OSBP2: variants seen among roughly 807,000 people sequenced by gnomAD.
OSBP2 encodes oxysterol-binding protein 2.
Under a neutral mutation model 96.0 loss-of-function variants are expected in OSBP2, and 66 were observed. The ratio of observed to expected loss-of-function variants is 0.69; its 90% CI spans 0.56 to 0.84. OSBP2 has a LOEUF of 0.84. Among genes scored for constraint, OSBP2 ranks in the 40% least tolerant of loss-of-function variants. OSBP2 has a pLI of 0.00. For missense variants in OSBP2, 1,038 were observed against 1,222.7 expected, an observed-to-expected ratio of 0.85 and a Z score of 2.25; for synonymous variants, 525 against 520.9, an observed-to-expected ratio of 1.01 and a Z score of -0.11.
upstream of OSBP2, chr22:30,694,310 C>T: frequency 6.5e-7 from 1 of 1,548,740 alleles, no homozygotes; most frequent in Non-Finnish European, 8.7e-7. Context: ...TTGGGGCCAC[C>T]GCTTCTGGCG....
chr22:30,758,675 C>G (rs958302695), intron 2 of OSBP2, among the ~76,000 whole-genome samples: 2 of 152,036 alleles, frequency 1.3e-5, no homozygotes, highest in Non-Finnish European at 1.5e-5. Context: ...CGATGAGAGG[C>G]CTGCAGGTAC....
At chr22:30,779,238 C>G (rs916077358) in intron 2 of OSBP2, among the ~76,000 whole-genome samples, 2 of 138,478 alleles carry the variant, frequency 1.4e-5, no homozygotes, top group African/African-American at 5.7e-5. Context: ...CCCACAACCA[C>G]ACCCAGCTAA....
At position 30,887,528 on chromosome 22, in the gene OSBP2, G is replaced by T; in HGVS notation, c.1210G>T (p.Glu404Ter). 1 of 1,613,678 alleles carries T rather than the reference G, an allele frequency of 6.2e-7. No homozygotes were observed. The highest frequency in any genetic ancestry group is 1.1e-5 in the South Asian group (1 of 91,060). Residue 404 changes from glutamate to a stop codon, truncating the protein, a stop_gained, in exon 4 of 14, where the codon GAG (glutamate) becomes TAG (stop). Transcript: ENST00000332585. LOFTEE classifies it high-confidence loss of function. ...EQRVHLEETI[E>*]QLAKQHNSLE... is the part of the protein sequence containing the mutation. ...GCGCGTGCACTTGGAGGAAACCATTGAGCAGCTGGCGAAGCAGCACAACAG... is the reference window on the plus strand; with the variant it reads ...GCGCGTGCACTTGGAGGAAACCATTTAGCAGCTGGCGAAGCAGCACAACAG...
intron 2 of OSBP2, chr22:30,764,418 G>C (rs2090245259): frequency 1.5e-5 from 15 of 984,308 alleles, no homozygotes; most frequent in Non-Finnish European, 1.8e-5. Flanking sequence ...ATTTCCTCCT[G>C]TTCCTGTTGG....
At chr22:30,854,460 G>A (rs1466951078) in intron 2 of OSBP2, among the ~76,000 whole-genome samples, 4 of 150,790 alleles carry the variant, frequency 2.7e-5, no homozygotes, top group African/African-American at 7.3e-5. Flanking sequence ...AGGCACGCAC[G>A]ACCATGCCCG....
At chr22:30,815,079 C>T (rs1247949830) in intron 2 of OSBP2, among the ~76,000 whole-genome samples, 1 of 152,084 alleles carries the variant, frequency 6.6e-6, no homozygotes, top group Non-Finnish European at 1.5e-5. Context: ...CCAAGGAGTT[C>T]GAGACCAGCC....
chr22:30,893,027 T>C, intron 8 of OSBP2, 95 bp from the exon 9 acceptor site: 2 of 1,509,156 alleles, frequency 1.3e-6, no homozygotes, highest in Non-Finnish European at 1.8e-6. Context: ...GAGCTGTGCC[T>C]GCTGAGGCAG....
chr22:30,701,945 G>T (rs1450049808), intron 1 of OSBP2, among the ~76,000 whole-genome samples: 1 of 152,138 alleles, frequency 6.6e-6, no homozygotes, highest in East Asian at 1.9e-4. Context: ...GTGACAAATG[G>T]ACTAGCAGCA....
chr22:30,848,004 G>A (rs2038905527), intron 2 of OSBP2, among the ~76,000 whole-genome samples: 1 of 152,052 alleles, frequency 6.6e-6, no homozygotes, highest in African/African-American at 2.4e-5. Context: ...CCTATGAAAA[G>A]TAAATAGAAT....
intron 8 of OSBP2, 80 bp downstream of exon 8, chr22:30,891,053 T>C: frequency 6.6e-7 from 1 of 1,515,200 alleles, no homozygotes; most frequent in Non-Finnish European, 8.9e-7. Flanking sequence ...AGGTGACAAA[T>C]GGGAGGCAGC....
Position 30,733,982 on chromosome 22 carries a change from A to AT in OSBP2, c.645-7169dup, listed in dbSNP as rs966766956. ...TAAAAGTGGCAGAAAATACATTATC[A>AT]TTTTTTTTTTGAGACGGAGTTTAGC... On this transcript the variant is annotated intron_variant, in intron 1 of 13. Coordinates refer to ENST00000332585, the MANE Select transcript of OSBP2 (RefSeq NM_030758.4). Among the ~76,000 whole-genome samples, 862 of 149,292 alleles carry AT rather than the reference A, an allele frequency of 5.8e-3. 7 individuals carry two copies. The highest frequency in any genetic ancestry group is 0.02 in the African/African-American group (798 of 40,822).
chr22:30,745,225 C>CA (rs953007383), intron 2 of OSBP2, among the ~76,000 whole-genome samples: 88 of 142,274 alleles, frequency 6.2e-4, no homozygotes, highest in South Asian at 2.3e-4. Context: ...GAAAAAAATA[C>CA]AAAAAAAAAA....
intron 2 of OSBP2, among the ~76,000 whole-genome samples, chr22:30,768,591 C>T (rs1214256629): frequency 6.6e-5 from 10 of 151,862 alleles, no homozygotes; most frequent in African/African-American, 2.2e-4. Flanking sequence ...GCAGGAGAAT[C>T]GCTTGAACCC....
chr22:30,733,530 T>G (rs2089810386), intron 1 of OSBP2, among the ~76,000 whole-genome samples: 1 of 152,134 alleles, frequency 6.6e-6, no homozygotes, highest in Admixed American at 6.5e-5. Context: ...CGGTGACCAC[T>G]CAGGAAACCA....
At chr22:30,813,798 G>A (rs1337979644) in intron 2 of OSBP2, among the ~76,000 whole-genome samples, 2 of 148,626 alleles carry the variant, frequency 1.3e-5, no homozygotes, top group Non-Finnish European at 2.9e-5. Flanking sequence ...TTTCCCAGAT[G>A]ACTTTTTTTC....
intron 2 of OSBP2, among the ~76,000 whole-genome samples, chr22:30,861,364 G>A (rs182508271): frequency 2.2e-4 from 34 of 152,256 alleles, no homozygotes; most frequent in Admixed American, 1.6e-3. Flanking sequence ...TGCACCCCTC[G>A]CCTGGAGAAG....
intron 1 of OSBP2, among the ~76,000 whole-genome samples, chr22:30,740,201 A>G (rs1362207545): frequency 1.3e-5 from 2 of 152,166 alleles, no homozygotes; most frequent in Non-Finnish European, 1.5e-5. Context: ...CCAGTAAGCC[A>G]GGAGTGCTGA....
intron 2 of OSBP2, among the ~76,000 whole-genome samples, chr22:30,861,404 A>C (rs1399419613): frequency 1.3e-5 from 2 of 152,180 alleles, no homozygotes; most frequent in Non-Finnish European, 2.9e-5. Flanking sequence ...TGGTCTCCTC[A>C]GCTTCCTGCA....
intron 2 of OSBP2, among the ~76,000 whole-genome samples, chr22:30,772,249 C>G (rs983701966): frequency 2.0e-5 from 3 of 152,178 alleles, no homozygotes; most frequent in African/African-American, 7.2e-5. Context: ...CCTTCCCCCA[C>G]AGCAGCCACC....
Sources: allele counts gnomAD v4.1 joint callset (sites outside exome capture counted in the v4.1 genomes callset), GRCh38; gene constraint gnomAD v4.1.1; transcripts MANE v1.5; gene names NCBI Gene and HGNC (gene_info 2026-07-23, HGNC 2026-07-21).